The following ADAMTS2 variants were observed in gnomAD, a reference collection of about 807,000 sequenced individuals.
ADAMTS2 encodes ADAM metallopeptidase with thrombospondin type 1 motif 2, also known as A disintegrin and metalloproteinase with thrombospondin motifs 2.
In ADAMTS2, 50 loss-of-function variants were observed where a neutral mutation model predicts 123.0. The ratio of observed to expected loss-of-function variants is 0.41; its 90% confidence interval spans 0.32 to 0.51. The LOEUF (loss-of-function observed/expected upper bound fraction) is 0.51. ADAMTS2 is among the 20% of genes least tolerant of loss of function. The probability of loss-of-function intolerance (pLI) is 0.35; values close to 1 mark genes in which losing one functional copy is unlikely to be tolerated. For missense variants in ADAMTS2, 1,494 were observed against 1,705.2 expected, an observed-to-expected ratio of 0.88 and a Z score of 2.18; for synonymous variants, 678 against 695.4, an observed-to-expected ratio of 0.98 and a Z score of 0.39.
intron 4 of ADAMTS2, among the ~76,000 whole-genome samples, chr5:179,190,408 T>G (rs1764277964): frequency 6.6e-6 from 1 of 152,064 alleles, no homozygotes; most frequent in African/African-American, 2.4e-5. Context: ...CTGGATGCAG[T>G]TTGGTATGAA....
At chr5:179,123,647 T>C (rs1234179520) in intron 19 of ADAMTS2, among the ~76,000 whole-genome samples, 5 of 152,238 alleles carry the variant, frequency 3.3e-5, no homozygotes, top group Non-Finnish European at 7.3e-5. Context: ...CAGGCTGGTC[T>C]CTAACACCTG....
At chr5:179,284,650 G>A (rs1755966494) in intron 2 of ADAMTS2, among the ~76,000 whole-genome samples, 1 of 152,270 alleles carries the variant, frequency 6.6e-6, no homozygotes, top group East Asian at 1.9e-4. Context: ...GCCTCCCAAA[G>A]TGCTGGGATT....
At chr5:179,249,081 AGAAACCCT>A (rs1217651300) in intron 3 of ADAMTS2, among the ~76,000 whole-genome samples, 2 of 152,174 alleles carry the variant, frequency 1.3e-5, no homozygotes, top group African/African-American at 4.8e-5. Context: ...CAATGACAGA[AGAAACCCT>A]TTAAAAATTC....
At chr5:179,286,084 G>T (rs1756011308) in intron 2 of ADAMTS2, among the ~76,000 whole-genome samples, 1 of 152,112 alleles carries the variant, frequency 6.6e-6, no homozygotes, top group South Asian at 2.1e-4. Flanking sequence ...CATGGTGGTG[G>T]GCGTCTGTAG....
Position 179,123,151 on chromosome 5 carries a change from C to A in ADAMTS2, c.2959-378G>T, listed in dbSNP as rs550154156. ...AGGTGGGGCACTGGGAAAGCTCTGA[C>A]CCAGCCTAGGAGGCGCCAGTAGGCT... On this transcript the variant is annotated intron_variant, in intron 19 of 21. Transcript: ENST00000251582. 2.0e-5 allele frequency among the ~76,000 whole-genome samples: 3 copies of A among 152,324 alleles called. No individual in the cohort carries two copies. The South Asian group carries it at 6.2e-4, about 32-fold the overall frequency.
intron 2 of ADAMTS2, among the ~76,000 whole-genome samples, chr5:179,318,941 C>T (rs1009603133): frequency 2.6e-5 from 4 of 152,344 alleles, no homozygotes; most frequent in Non-Finnish European, 1.5e-5. Flanking sequence ...GGGCAAGGGG[C>T]GTGTGTGCCA....
Position 179,121,693 on chromosome 5 carries a change from T to C in ADAMTS2, c.3146A>G (p.Asp1049Gly). 6.3e-7 allele frequency: 1 copy of C among 1,595,762 alleles called. No individual in the cohort carries two copies. Among genetic ancestry groups the C allele is most frequent in the Non-Finnish European group, 8.5e-7 (1 of 1,171,230 alleles). The stretch of plus-strand genomic sequence containing the variant: ...GATCTTCCGGATGGGCGAGTCGGGG[T>C]CCGGGCGGGACAGCCACTGAACTAC... ...SYVVQWLSRPDPDSPIRKISS... is the reference protein window; with the variant it reads ...SYVVQWLSRPGPDSPIRKISS... The change falls in exon 21 of 22, where the codon GAC (aspartate) becomes GGC (glycine). Residue 1049 changes from aspartate (D) to glycine (G), a missense_variant. Physicochemically the swap from Asp to Gly is moderately conservative, Grantham distance 94. Transcript: ENST00000251582.
chr5:179,296,140 G>C (rs1477743049), intron 2 of ADAMTS2, among the ~76,000 whole-genome samples: 1 of 151,114 alleles, frequency 6.6e-6, no homozygotes, highest in Non-Finnish European at 1.5e-5. Flanking sequence ...TGAGCCGTGG[G>C]GACAGGAGAA....
At chr5:179,216,453 C>T (rs138925084) in intron 3 of ADAMTS2, among the ~76,000 whole-genome samples, 23,583 of 151,874 alleles carry the variant, frequency 0.16, 2,389 homozygotes, top group Non-Finnish European at 0.24. Context: ...CAGGCCGTGG[C>T]GAGCTTAGAA....
chr5:179,127,451 C>T (rs567084485), intron 17 of ADAMTS2, among the ~76,000 whole-genome samples: 2 of 152,228 alleles, frequency 1.3e-5, no homozygotes, highest in East Asian at 3.9e-4. Context: ...CAGATCAGCG[C>T]TTCCTGTCTG....
chr5:179,120,275 A>G (rs1240875150), intron 21 of ADAMTS2: 1 of 152,206 alleles, frequency 6.6e-6, no homozygotes, highest in African/African-American at 2.4e-5. Context: ...TCACTTTGGC[A>G]CACGCTAACG....
At chr5:179,261,342 G>A (rs985089433) in intron 3 of ADAMTS2, among the ~76,000 whole-genome samples, 1 of 152,222 alleles carries the variant, frequency 6.6e-6, no homozygotes, top group Admixed American at 6.5e-5. Context: ...AAGCCCCCGT[G>A]CTGGTGAGGA....
At chr5:179,245,517 A>G (rs1765765113) in intron 3 of ADAMTS2, among the ~76,000 whole-genome samples, 1 of 151,960 alleles carries the variant, frequency 6.6e-6, no homozygotes, top group Non-Finnish European at 1.5e-5. Context: ...CTGTAATCCC[A>G]GCACTTTGGG....
At chr5:179,166,669 G>C (rs537276639) in intron 5 of ADAMTS2, among the ~76,000 whole-genome samples, 1 of 152,202 alleles carries the variant, frequency 6.6e-6, no homozygotes, top group Non-Finnish European at 1.5e-5. Flanking sequence ...TGAGCTGCCC[G>C]CCGGGTCCCT....
At chr5:179,214,684 T>A (rs1338556957) in intron 3 of ADAMTS2, among the ~76,000 whole-genome samples, 1 of 152,136 alleles carries the variant, frequency 6.6e-6, no homozygotes, top group African/African-American at 2.4e-5. Flanking sequence ...CAAAAAGTAG[T>A]ATAATATAGT....
chr5:179,245,137 G>A (rs1765754044), intron 3 of ADAMTS2, among the ~76,000 whole-genome samples: 2 of 152,172 alleles, frequency 1.3e-5, no homozygotes, highest in African/African-American at 2.4e-5. Context: ...AGGGGGAAGG[G>A]GGAAGCAGAA....
intron 3 of ADAMTS2, among the ~76,000 whole-genome samples, chr5:179,227,958 G>A (rs1311516642): frequency 6.6e-6 from 1 of 152,110 alleles, no homozygotes; most frequent in East Asian, 1.9e-4. Context: ...GCAGAAAGTG[G>A]GGCCAGGGAG....
In ADAMTS2 at chr5:179,332,644, C is replaced by T. The variant is rs999058487; in HGVS notation, c.534+11123G>A. 1.8e-4 allele frequency among the ~76,000 whole-genome samples: 27 copies of T among 151,484 alleles called. No individual in the cohort carries two copies. Among genetic ancestry groups the T allele is most frequent in the African/African-American group, 6.5e-4 (27 of 41,266 alleles). On this transcript the variant is annotated intron_variant, in intron 2 of 21. Coordinates refer to ENST00000251582, the MANE Select transcript of ADAMTS2 (RefSeq NM_014244.5). The surrounding 1 kb of genome is among the most constrained non-coding windows in gnomAD (Gnocchi z 4.2). ...CAGAAGCCCAGACCTCAGCTCAGGG[C>T]CAGTGTGCTGGGATCAGTGGCCAGT...
intron 3 of ADAMTS2, among the ~76,000 whole-genome samples, chr5:179,246,987 T>C (rs1644144): frequency 0.79 from 119,878 of 152,090 alleles, 51,697 homozygotes; most frequent in East Asian, 1. Flanking sequence ...AAATACAAAG[T>C]ATGCAAAATA....
Sources: allele counts gnomAD v4.1 joint callset (sites outside exome capture counted in the v4.1 genomes callset), GRCh38; gene constraint gnomAD v4.1.1; non-coding constraint Gnocchi (gnomAD v3.1); transcripts MANE v1.5; gene names NCBI Gene and HGNC (gene_info 2026-07-23, HGNC 2026-07-21).